Variants in NPRL3 observed in about 807,000 individuals in gnomAD.
NPRL3 encodes the protein NPR3 like, GATOR1 complex subunit, also known as GATOR1 complex protein NPRL3.
In NPRL3, 23 loss-of-function variants were observed where a neutral mutation model predicts 57.2. That is an observed-to-expected ratio of 0.40 (90% CI 0.29 to 0.57). NPRL3 has a LOEUF of 0.57. Ranked by LOEUF, NPRL3 falls within the 20% of genes least tolerant of loss-of-function variation. NPRL3 has a pLI of 0.42. For synonymous variants in NPRL3, 333 were observed against 321.1 expected (o/e 1.04, Z -0.39); for missense variants, 691 against 767.1 (o/e 0.90, Z 1.17).
chr16:134,226 T>TG (rs1029965361), intron 2 of NPRL3, among the ~76,000 whole-genome samples: 1 of 152,000 alleles, frequency 6.6e-6, no homozygotes, highest in African/African-American at 2.4e-5. Flanking sequence ...CCTATGCACA[T>TG]GTACACACAC....
chr16:137,876 T>C (rs928667450), intron 2 of NPRL3, among the ~76,000 whole-genome samples: 15 of 152,272 alleles, frequency 9.9e-5, no homozygotes, highest in African/African-American at 3.6e-4. Context: ...TTGTATTTTC[T>C]CATGATGAAT....
At chr16:130,173 G>A (rs1314980094) in intron 3 of NPRL3, among the ~76,000 whole-genome samples, 9 of 152,290 alleles carry the variant, frequency 5.9e-5, no homozygotes, top group African/African-American at 2.2e-4. Flanking sequence ...TGACCTCTGG[G>A]TACATGCTCA....
At chr16:97,707 A>G (rs8063876) in intron 9 of NPRL3, among the ~76,000 whole-genome samples, 1,974 of 151,756 alleles carry the variant, frequency 0.013, 52 homozygotes, top group African/African-American at 0.045. Flanking sequence ...GCGTAAGGCC[A>G]CCAGGTTAGG....
intron 3 of NPRL3, among the ~76,000 whole-genome samples, chr16:120,965 G>C (rs1900256249): frequency 6.6e-6 from 1 of 152,136 alleles, no homozygotes; most frequent in Non-Finnish European, 1.5e-5. Flanking sequence ...TATCTAAACA[G>C]TGCCCCTCCA....
chr16:101,397 C>T (rs920900255), intron 7 of NPRL3, among the ~76,000 whole-genome samples: 6 of 152,194 alleles, frequency 3.9e-5, no homozygotes, highest in African/African-American at 1.4e-4. Flanking sequence ...CAAGTGGTCA[C>T]CACAAGCCAG....
Position 86,322 on chromosome 16 carries a change from C to A in NPRL3, c.*383G>T. 1 of 212,592 alleles carries A rather than the reference C, an allele frequency of 4.7e-6. No homozygotes were observed. The highest frequency in any genetic ancestry group is 1.0e-4 in the East Asian group (1 of 9,774). 13.2% of individuals were successfully genotyped at this position (212,592 alleles called of 1,614,324 possible). On this transcript the variant is annotated 3_prime_UTR_variant, in exon 14 of 14. Coordinates refer to ENST00000611875, the MANE Select transcript of NPRL3 (RefSeq NM_001077350.3). Reference sequence around the variant, plus strand: ...GTTTCTGCACATTCTTCAGGGTGGCCACAGACTGGGGGGTCCAAGGAGCAG... The same window carrying A: ...GTTTCTGCACATTCTTCAGGGTGGCAACAGACTGGGGGGTCCAAGGAGCAG...
At chr16:128,900 G>A (rs78139677) in intron 3 of NPRL3, among the ~76,000 whole-genome samples, 3 of 152,280 alleles carry the variant, frequency 2.0e-5, no homozygotes, top group African/African-American at 7.2e-5. Flanking sequence ...AACCAGGAGG[G>A]GAACTGAGCC....
intron 2 of NPRL3, among the ~76,000 whole-genome samples, chr16:137,045 TAAAAAA>T (rs71391116): frequency 4.8e-4 from 32 of 66,094 alleles, no homozygotes; most frequent in African/African-American, 1.6e-3. Context: ...CCATCTCTAC[TAAAAAA>T]AAAAAAAAAA....
Position 92,729 on chromosome 16 carries a change from C to T in NPRL3, c.1032-4G>A. On this transcript the variant is annotated splice_region_variant and splice_polypyrimidine_tract_variant and intron_variant, in intron 10 of 13. Transcript: ENST00000611875. The stretch of plus-strand genomic sequence containing the variant: ...CTGCTCGGCCAGCGGGGAGTACCTG[C>T]AGGCAGGTGAGCATGCCAGTGAGTG... 1 of 1,613,194 alleles carries T rather than the reference C, an allele frequency of 6.2e-7. No homozygotes were observed. The highest frequency in any genetic ancestry group is 2.2e-5 in the East Asian group (1 of 44,858).
chr16:136,032 A>G (rs760705530), intron 2 of NPRL3, among the ~76,000 whole-genome samples: 2 of 152,218 alleles, frequency 1.3e-5, no homozygotes, highest in Non-Finnish European at 2.9e-5. Context: ...TTTTTCACCT[A>G]CCAGATTAAC....
rs1437185591 is a variant in NPRL3 at position 98,218 on chromosome 16, C to A, written c.851G>T (p.Arg284Leu). ...CACAGCAGATGTGGTCTTGATCACCCGCACTAGGGCAGGGGAGCAGTCAAT... is the reference window on the plus strand; with the variant it reads ...CACAGCAGATGTGGTCTTGATCACCAGCACTAGGGCAGGGGAGCAGTCAAT... ...LPIDCSPALV[R>L]VIKTTSAVKN... The change falls in exon 9 of 14, where the codon CGG becomes CTG. Residue 284 changes from arginine (R) to leucine (L), a missense_variant. Arg to Leu is a moderately radical substitution (Grantham distance 102). Coordinates refer to ENST00000611875, the MANE Select transcript of NPRL3 (RefSeq NM_001077350.3). The A allele has an allele frequency of 6.2e-7, 1 of 1,613,960 alleles. No homozygotes were observed. Among genetic ancestry groups the A allele is most frequent in the South Asian group, 1.1e-5 (1 of 91,090 alleles).
rs567765711 is a variant in NPRL3, at chr16:98,345, C to A, written c.768-44G>T. 3.8e-6 allele frequency: 6 copies of A among 1,599,986 alleles called. No homozygotes were observed. In the South Asian group the frequency reaches 5.6e-5, roughly 15 times the overall value. On this transcript the variant is annotated intron_variant, in intron 8 of 13. Transcript: ENST00000611875. ...TCACGGAACACACGAAGTGCAGGAACCCTGCACCGGGTATGCACCAGGTCC... is the reference window on the plus strand; with the variant it reads ...TCACGGAACACACGAAGTGCAGGAAACCTGCACCGGGTATGCACCAGGTCC...
At chr16:89,202 A>G (rs1898646733) in intron 12 of NPRL3, 1 of 383,848 alleles carries the variant, frequency 2.6e-6, no homozygotes, top group Non-Finnish European at 4.8e-6. Flanking sequence ...TGGAGGACAA[A>G]GCACCCTGGG....
At position 94,515 on chromosome 16, in the gene NPRL3, A is replaced by G. The variant is rs531604559; in HGVS notation, c.925-1190T>C. Among the ~76,000 whole-genome samples, 12 of 152,338 alleles carry G rather than the reference A, an allele frequency of 7.9e-5. No individual in the cohort carries two copies. The South Asian group carries it at 2.3e-3, about 29-fold the overall frequency. ...TGTAGTCCCAGCATTTTGGGAGGGCAAGGCAGGAGGATCGCCTGAACCTCG... is the reference window on the plus strand; with the variant it reads ...TGTAGTCCCAGCATTTTGGGAGGGCGAGGCAGGAGGATCGCCTGAACCTCG... On this transcript the variant is annotated intron_variant, in intron 9 of 13. Coordinates refer to ENST00000611875, the MANE Select transcript of NPRL3 (RefSeq NM_001077350.3).
chr16:117,732 C>G (rs945128759), intron 4 of NPRL3, among the ~76,000 whole-genome samples: 1 of 152,246 alleles, frequency 6.6e-6, no homozygotes, highest in African/African-American at 2.4e-5. Context: ...AAGTATGACG[C>G]ATACTCAGAA....
intron 12 of NPRL3, 119 bp downstream of exon 12, chr16:89,594 G>A (rs1325829731): frequency 3.2e-6 from 3 of 930,108 alleles, no homozygotes; most frequent in Non-Finnish European, 4.5e-6. Flanking sequence ...GCACGTGCAT[G>A]TGCGTGTGCA....
chr16:92,597 T>A lies in NPRL3; in HGVS notation c.1160A>T (p.Glu387Val). ...GCTCCTTGAGCTTCTGTGACTCACC[T>A]CCTGCACAGCGGGGGCCAGGGGATT... ...FRNPLAPAVQ[E>V]TQLIQMVVWM... The change falls in exon 11 of 14, where the codon GAG (glutamate) becomes GTG (valine). Residue 387 changes from glutamate to valine, a missense_variant and splice_region_variant. Coordinates refer to ENST00000611875, the MANE Select transcript of NPRL3 (RefSeq NM_001077350.3). 3.1e-6 allele frequency: 5 copies of A among 1,613,026 alleles called. No individual in the cohort carries two copies. Among genetic ancestry groups the A allele is most frequent in the Non-Finnish European group, 4.2e-6 (5 of 1,179,552 alleles).
chr16:109,581 G>A (rs1240113547), intron 7 of NPRL3, among the ~76,000 whole-genome samples: 6 of 152,152 alleles, frequency 3.9e-5, no homozygotes, highest in Admixed American at 6.5e-5. Context: ...CTTCGGGCTC[G>A]TTTTCTGTTT....
intron 5 of NPRL3, among the ~76,000 whole-genome samples, chr16:116,005 C>T (rs1900017725): frequency 6.6e-6 from 1 of 152,214 alleles, no homozygotes. Context: ...AATCTTTACG[C>T]AGTTGTAAAA....
Sources: allele counts gnomAD v4.1 joint callset (sites outside exome capture counted in the v4.1 genomes callset), GRCh38; gene constraint gnomAD v4.1.1; transcripts MANE v1.5; gene names NCBI Gene and HGNC (gene_info 2026-07-23, HGNC 2026-07-21).